RNF180: variants seen among roughly 807,000 people sequenced by gnomAD.
RNF180 encodes the protein E3 ubiquitin-protein ligase RNF180.
In RNF180, 38 loss-of-function variants were observed where a neutral mutation model predicts 59.2. The ratio of observed to expected loss-of-function variants is 0.64; its 90% CI spans 0.50 to 0.84. RNF180 has a LOEUF of 0.84. Among genes scored for constraint, RNF180 ranks in the 40% least tolerant of loss-of-function variants. The pLI, the probability that RNF180 is intolerant of heterozygous loss-of-function variation, is 0.00. For synonymous variants in RNF180, 262 were observed against 240.3 expected, an observed-to-expected ratio of 1.09 and a Z score of -0.84; for missense variants, 705 against 700.9, an observed-to-expected ratio of 1.01 and a Z score of -0.07.
intron 7 of RNF180, among the ~76,000 whole-genome samples, chr5:64,364,936 T>A (rs1412107194): frequency 6.6e-6 from 1 of 151,434 alleles, no homozygotes; most frequent in African/African-American, 2.4e-5. Flanking sequence ...TTGTTTCTGA[T>A]TGTTTACTTG....
At chr5:64,215,685 A>C (rs1480077993) in intron 4 of RNF180, among the ~76,000 whole-genome samples, 1 of 152,126 alleles carries the variant, frequency 6.6e-6, no homozygotes, top group African/African-American at 2.4e-5. Flanking sequence ...ATTTTCATTG[A>C]GACTCGAGCT....
chr5:64,287,114 C>G (rs1013907832), intron 5 of RNF180, among the ~76,000 whole-genome samples: 1 of 152,052 alleles, frequency 6.6e-6, no homozygotes, highest in Non-Finnish European at 1.5e-5. Flanking sequence ...TTACAGGCAC[C>G]TGCCACCACA....
chr5:64,364,264 A>G (rs914882838), intron 7 of RNF180, among the ~76,000 whole-genome samples: 6 of 151,658 alleles, frequency 4.0e-5, no homozygotes, highest in African/African-American at 1.5e-4. Flanking sequence ...TTCAATGCCT[A>G]GTTGGTTGAG....
chr5:64,228,166 T>A (rs1741888226), intron 5 of RNF180, among the ~76,000 whole-genome samples: 2 of 152,184 alleles, frequency 1.3e-5, no homozygotes, highest in Non-Finnish European at 2.9e-5. Flanking sequence ...TTAGAAGCAA[T>A]ATAATAGTGT....
chr5:64,176,566 C>T (rs917618621), intron 1 of RNF180, among the ~76,000 whole-genome samples: 9 of 151,976 alleles, frequency 5.9e-5, no homozygotes, highest in Admixed American at 2.0e-4. Context: ...TGAGAAATGA[C>T]GGCTGAGTTT....
At chr5:64,220,771 C>T (rs1741283871) in intron 5 of RNF180, among the ~76,000 whole-genome samples, 2 of 151,930 alleles carry the variant, frequency 1.3e-5, no homozygotes, top group African/African-American at 4.8e-5. Context: ...TGAAAAGAGG[C>T]AGTTTTTCCT....
At chr5:64,304,339 A>G (rs1436790688) in intron 5 of RNF180, among the ~76,000 whole-genome samples, 1 of 151,620 alleles carries the variant, frequency 6.6e-6, no homozygotes, top group Non-Finnish European at 1.5e-5. Context: ...TATAGCTGCC[A>G]TAGATAGTGA....
At chr5:64,328,481 TG>T (rs953026295) in intron 6 of RNF180, among the ~76,000 whole-genome samples, 12 of 152,216 alleles carry the variant, frequency 7.9e-5, no homozygotes, top group African/African-American at 2.9e-4. Context: ...ATATCTAACT[TG>T]AAATGATTAA....
chr5:64,221,900 C>A (rs1741357991), intron 5 of RNF180, among the ~76,000 whole-genome samples: 1 of 152,178 alleles, frequency 6.6e-6, no homozygotes, highest in Non-Finnish European at 1.5e-5. Context: ...TAGTATGATA[C>A]ATTTGTCACA....
At chr5:64,288,516 C>T (rs1392125045) in intron 5 of RNF180, among the ~76,000 whole-genome samples, 1 of 152,190 alleles carries the variant, frequency 6.6e-6, no homozygotes, top group Non-Finnish European at 1.5e-5. Flanking sequence ...TATGATTCTT[C>T]CTATCCATGA....
chr5:64,238,956 T>C (rs999828006), intron 5 of RNF180, among the ~76,000 whole-genome samples: 23 of 152,170 alleles, frequency 1.5e-4, no homozygotes, highest in African/African-American at 5.1e-4. Flanking sequence ...TTCATCACTC[T>C]GAGATATTAG....
At chr5:64,342,013 A>C (rs1366197657) in intron 7 of RNF180, among the ~76,000 whole-genome samples, 1 of 152,138 alleles carries the variant, frequency 6.6e-6, no homozygotes, top group Non-Finnish European at 1.5e-5. Context: ...GATTAGAGGG[A>C]TGAATGTGAC....
At chr5:64,194,865 TTTACAAG>T (rs1381470785) in intron 1 of RNF180, among the ~76,000 whole-genome samples, 19 of 152,326 alleles carry the variant, frequency 1.2e-4, no homozygotes, top group African/African-American at 4.6e-4. Context: ...TTTTTTCTTG[TTTACAAG>T]TTACAAGTTT....
chr5:64,216,510 T>C (rs1166741674), intron 4 of RNF180, among the ~76,000 whole-genome samples: 2 of 152,208 alleles, frequency 1.3e-5, no homozygotes, highest in Non-Finnish European at 1.5e-5. Context: ...TTATTAATGA[T>C]AGTTTTTTAA....
chr5:64,264,384 C>T (rs1369431343), intron 5 of RNF180, among the ~76,000 whole-genome samples: 4 of 152,098 alleles, frequency 2.6e-5, no homozygotes, highest in South Asian at 2.1e-4. Context: ...CTCCCCTTGC[C>T]TCCCACCCCC....
intron 4 of RNF180, among the ~76,000 whole-genome samples, 188 bp downstream of exon 4, chr5:64,214,705 A>G (rs1001942915): frequency 3.9e-5 from 6 of 152,130 alleles, no homozygotes; most frequent in African/African-American, 7.2e-5. Context: ...CCCAGTCTCT[A>G]TGCTTCATGC....
intron 1 of RNF180, among the ~76,000 whole-genome samples, chr5:64,181,628 T>A (rs1750588834): frequency 6.6e-6 from 1 of 152,100 alleles, no homozygotes; most frequent in Admixed American, 6.5e-5. Context: ...TAGGAGCAGA[T>A]GGGCAGAAAA....
chr5:64,195,965 G>A (rs1050611601), intron 1 of RNF180, among the ~76,000 whole-genome samples: 3 of 152,132 alleles, frequency 2.0e-5, no homozygotes, highest in Admixed American at 6.5e-5. Context: ...CAGAAAACCC[G>A]CACAGATATG....
chr5:64,252,177 A>C (rs1046684541), intron 5 of RNF180, among the ~76,000 whole-genome samples: 3 of 152,234 alleles, frequency 2.0e-5, no homozygotes, highest in Non-Finnish European at 2.9e-5. Flanking sequence ...GCATAAAAAC[A>C]AACACATATA....
Sources: allele counts gnomAD v4.1 joint callset (sites outside exome capture counted in the v4.1 genomes callset), GRCh38; gene constraint gnomAD v4.1.1; transcripts MANE v1.5; gene names NCBI Gene and HGNC (gene_info 2026-07-23, HGNC 2026-07-21).